Variants in CNBD1 observed in about 807,000 individuals in gnomAD.
CNBD1 encodes the protein cyclic nucleotide binding domain containing 1.
CNBD1 carries 71 observed loss-of-function variants against 54.4 expected under a neutral mutation model. The ratio of observed to expected loss-of-function variants is 1.30; its 90% CI spans 1.08 to 1.59. CNBD1 has a LOEUF of 1.59. Ranked by LOEUF, CNBD1 falls within the 40% of genes most tolerant of loss-of-function variation. The pLI is 0.00. For missense variants in CNBD1, 659 were observed against 518.0 expected (o/e 1.27, Z -2.64); for synonymous variants, 182 against 170.7 (o/e 1.07, Z -0.51).
intron 7 of CNBD1, 47 bp downstream of exon 7, chr8:87,284,862 C>T: frequency 7.4e-7 from 1 of 1,343,342 alleles, no homozygotes; most frequent in Non-Finnish European, 1.0e-6. Flanking sequence ...TGGGCATAAA[C>T]TCAAGCTACA....
intron 4 of CNBD1, among the ~76,000 whole-genome samples, chr8:86,944,805 GC>G (rs1484478041): frequency 1.3e-5 from 2 of 152,154 alleles, no homozygotes; most frequent in African/African-American, 4.8e-5. Context: ...ATGTGTGGAT[GC>G]CAAAAGGAGT....
chr8:87,301,359 A>G (rs1808987941), intron 8 of CNBD1, among the ~76,000 whole-genome samples: 1 of 152,160 alleles, frequency 6.6e-6, no homozygotes, highest in Admixed American at 6.6e-5. Flanking sequence ...AGCCAGCATC[A>G]CCCTAATACC....
intron 4 of CNBD1, among the ~76,000 whole-genome samples, chr8:86,958,256 G>T (rs1015116335): frequency 1.3e-5 from 2 of 152,092 alleles, no homozygotes; most frequent in South Asian, 2.1e-4. Flanking sequence ...CTACTATGTG[G>T]TCAATTTTGG....
intron 1 of CNBD1, among the ~76,000 whole-genome samples, chr8:86,885,473 T>C (rs1276178140): frequency 6.6e-6 from 1 of 152,136 alleles, no homozygotes; most frequent in Admixed American, 6.5e-5. Context: ...TCTGCTTCTG[T>C]CAAAAGCCAG....
chr8:87,422,742 G>A (rs958298206), intron 2 of CNBD1, among the ~76,000 whole-genome samples: 2 of 152,136 alleles, frequency 1.3e-5, no homozygotes, highest in Non-Finnish European at 2.9e-5. Context: ...GCTTAGGATT[G>A]ACTTGACGAT....
At chr8:87,418,535 T>C (rs1807873934) in intron 2 of CNBD1, among the ~76,000 whole-genome samples, 1 of 151,858 alleles carries the variant, frequency 6.6e-6, no homozygotes, top group African/African-American at 2.4e-5. Flanking sequence ...TTAAAAACTT[T>C]TACGTTTCAA....
At chr8:87,230,402 ATATT>A (rs1334293021) in intron 5 of CNBD1, among the ~76,000 whole-genome samples, 1 of 152,184 alleles carries the variant, frequency 6.6e-6, no homozygotes, top group Non-Finnish European at 1.5e-5. Context: ...TTGTAGGTAT[ATATT>A]TATCTATATA....
chr8:87,300,501 G>T (rs1376846020), intron 8 of CNBD1, among the ~76,000 whole-genome samples: 1 of 152,138 alleles, frequency 6.6e-6, no homozygotes, highest in Non-Finnish European at 1.5e-5. Flanking sequence ...CTAAAATTTT[G>T]TAGCTATACT....
At chr8:87,045,002 C>G (rs1051904151) in intron 4 of CNBD1, among the ~76,000 whole-genome samples, 7 of 152,146 alleles carry the variant, frequency 4.6e-5, no homozygotes, top group African/African-American at 1.7e-4. Flanking sequence ...CATTACCCCC[C>G]ACTTCAGGAT....
chr8:87,081,048 T>C (rs1344915392), intron 4 of CNBD1, among the ~76,000 whole-genome samples: 1 of 152,062 alleles, frequency 6.6e-6, no homozygotes, highest in East Asian at 1.9e-4. Context: ...TCTTGTTTTG[T>C]GTTTAATTTG....
chr8:87,229,081 T>C (rs1487009330), intron 5 of CNBD1, among the ~76,000 whole-genome samples: 2 of 152,220 alleles, frequency 1.3e-5, no homozygotes, highest in East Asian at 1.9e-4. Flanking sequence ...GCTTCCTCAG[T>C]GAGGCAATGC....
At chr8:86,958,456 G>A (rs761354300) in intron 4 of CNBD1, among the ~76,000 whole-genome samples, 1 of 152,134 alleles carries the variant, frequency 6.6e-6, no homozygotes, top group Admixed American at 6.5e-5. Flanking sequence ...TTATTGTGTG[G>A]GAGTCTAAGT....
chr8:87,129,000 ACTGAGGTTGCAGTGAGCCGAGATCG>A (rs1189370627), intron 4 of CNBD1, among the ~76,000 whole-genome samples: 2 of 136,664 alleles, frequency 1.5e-5, no homozygotes, highest in African/African-American at 5.5e-5. Flanking sequence ...AGCCCGGGAG[ACTGAGGTTGCAGTGAGCCGAGATCG>A]CCCCACTGTA....
intron 4 of CNBD1, among the ~76,000 whole-genome samples, chr8:87,000,617 C>T (rs1013578277): frequency 7.9e-5 from 12 of 152,092 alleles, no homozygotes; most frequent in African/African-American, 2.4e-4. Flanking sequence ...AGGTTTGGCC[C>T]ATGATAACAT....
chr8:86,916,717 T>A (rs1391619370), intron 3 of CNBD1, among the ~76,000 whole-genome samples: 2 of 152,014 alleles, frequency 1.3e-5, no homozygotes, highest in Non-Finnish European at 2.9e-5. Flanking sequence ...TTTTATTTTT[T>A]TTTTGAAATA....
chr8:87,360,948 T>G (rs1260776504), intron 10 of CNBD1, among the ~76,000 whole-genome samples: 1 of 151,910 alleles, frequency 6.6e-6, no homozygotes, highest in Non-Finnish European at 1.5e-5. Flanking sequence ...ATAAATATAT[T>G]CATATTCAAA....
chr8:87,151,676 A>G (rs1812607422), intron 4 of CNBD1, among the ~76,000 whole-genome samples: 3 of 152,138 alleles, frequency 2.0e-5, no homozygotes, highest in African/African-American at 7.2e-5. Flanking sequence ...TTTGACTTCT[A>G]TTTCTATGCT....
At chr8:87,349,573 G>A (rs529080945) in intron 8 of CNBD1, among the ~76,000 whole-genome samples, 13 of 152,180 alleles carry the variant, frequency 8.5e-5, no homozygotes, top group South Asian at 2.1e-4. Flanking sequence ...ACGAGGTTTC[G>A]CCATGTTGGC....
intron 5 of CNBD1, among the ~76,000 whole-genome samples, chr8:87,227,374 G>A (rs1025357396): frequency 6.7e-6 from 1 of 149,092 alleles, no homozygotes; most frequent in Non-Finnish European, 1.5e-5. Context: ...TGCAGTGGCT[G>A]GTACCGGTTG....
Sources: gnomAD v4.1 joint callset for allele counts (sites outside exome capture counted in the v4.1 genomes callset) on GRCh38, gnomAD v4.1.1 for gene constraint, MANE v1.5 for transcripts, NCBI Gene and HGNC (gene_info 2026-07-23, HGNC 2026-07-21) for gene names.